Variants in ZNF569 observed in about 807,000 individuals in gnomAD.
ZNF569 encodes DNA-binding protein.
Under a neutral mutation model 56.3 loss-of-function variants are expected in ZNF569, and 38 were observed. The observed-to-expected ratio is 0.68, with a 90% confidence interval of 0.52 to 0.88. The LOEUF is 0.88. Among genes scored for constraint, ZNF569 ranks in the 40% least tolerant of loss-of-function variants. The probability of loss-of-function intolerance (pLI) is 0.00; values close to 1 mark genes in which losing one functional copy is unlikely to be tolerated. For synonymous variants in ZNF569, 241 were observed against 262.9 expected, an observed-to-expected ratio of 0.92 and a Z score of 0.81; for missense variants, 666 against 809.2, an observed-to-expected ratio of 0.82 and a Z score of 2.15.
intron 3 of ZNF569, among the ~76,000 whole-genome samples, chr19:37,433,374 G>A (rs2041256588): frequency 6.6e-6 from 1 of 152,126 alleles, no homozygotes; most frequent in East Asian, 1.9e-4. Context: ...CTTCAAATGG[G>A]CAAATCTAAC....
intron 5 of ZNF569, among the ~76,000 whole-genome samples, chr19:37,418,280 A>G (rs1033320471): frequency 6.6e-6 from 1 of 152,096 alleles, no homozygotes; most frequent in African/African-American, 2.4e-5. Flanking sequence ...AAAACTGGAG[A>G]GGCCCACCTA....
At chr19:37,416,456 T>A (rs932685008) in intron 5 of ZNF569, among the ~76,000 whole-genome samples, 1 of 152,174 alleles carries the variant, frequency 6.6e-6, no homozygotes, top group Admixed American at 6.5e-5. Context: ...TATTGGGGAC[T>A]GGTTCCAGGA....
rs142793476 is a variant in ZNF569 at position 37,433,770 on chromosome 19, C to T, written c.16-7392G>A. ...ATATCTGGTGAAAATAACCTTCAAA[C>T]ATGAAGGAGAAATAAAGGCTTTCCC... On this transcript the variant is annotated intron_variant, in intron 3 of 5. Coordinates refer to ENST00000316950, the MANE Select transcript of ZNF569 (RefSeq NM_152484.3). Among the ~76,000 whole-genome samples, 7 of 152,186 alleles carry T rather than the reference C, an allele frequency of 4.6e-5. No homozygotes were observed. In the East Asian group the frequency reaches 5.8e-4, roughly 13 times the overall value.
intron 3 of ZNF569, among the ~76,000 whole-genome samples, chr19:37,437,005 C>A (rs1160209705): frequency 2.2e-5 from 3 of 133,470 alleles, no homozygotes; most frequent in African/African-American, 2.9e-5. Flanking sequence ...AAAACCAGAC[C>A]AAGACACATC....
chr19:37,448,863 T>C (rs1401380896), intron 2 of ZNF569, among the ~76,000 whole-genome samples: 1 of 152,072 alleles, frequency 6.6e-6, no homozygotes, highest in Non-Finnish European at 1.5e-5. Flanking sequence ...ATCTTTAATA[T>C]CCGTTTCCTT....
chr19:37,430,270 T>C (rs1210247847), intron 3 of ZNF569, among the ~76,000 whole-genome samples: 1 of 149,852 alleles, frequency 6.7e-6, no homozygotes, highest in East Asian at 1.9e-4. Context: ...ATAATTTAAG[T>C]ATAAGTTAGA....
rs1461102531 is a variant in ZNF569 at position 37,411,652 on chromosome 19, T to C, written c.*945A>G. 2 of 152,208 alleles carry C rather than the reference T, an allele frequency of 1.3e-5. No individual in the cohort carries two copies. Among genetic ancestry groups the C allele is most frequent in the African/African-American group, 4.8e-5 (2 of 41,464 alleles). The allele number at this position is 152,208 out of a possible 1,614,324, so 9.4% of individuals were successfully genotyped here. ...ACGGATTCTACTTTCATCATAGTTTTAAAATTTTGCTTTTTATATTCTGGT... is the reference window on the plus strand; with the variant it reads ...ACGGATTCTACTTTCATCATAGTTTCAAAATTTTGCTTTTTATATTCTGGT... On this transcript the variant is annotated 3_prime_UTR_variant, in exon 6 of 6. Transcript: ENST00000316950.
At chr19:37,419,584 C>T (rs2040994755) in intron 5 of ZNF569, among the ~76,000 whole-genome samples, 1 of 151,816 alleles carries the variant, frequency 6.6e-6, no homozygotes, top group Non-Finnish European at 1.5e-5. Context: ...ATTAGCCGGG[C>T]GTGGTGGCAG....
intron 5 of ZNF569, 31 bp from the exon 6 acceptor site, chr19:37,414,450 C>A (rs1600285939): frequency 1.3e-6 from 2 of 1,522,950 alleles, no homozygotes; most frequent in Non-Finnish European, 1.8e-6. Flanking sequence ...ATATCACTTA[C>A]AAATTTTTTT....
At chr19:37,439,366 C>T (rs111911260) in intron 3 of ZNF569, among the ~76,000 whole-genome samples, 9 of 152,256 alleles carry the variant, frequency 5.9e-5, no homozygotes, top group African/African-American at 9.6e-5. Context: ...TCACCATGCC[C>T]GGCCTTAGAA....
intron 3 of ZNF569, among the ~76,000 whole-genome samples, chr19:37,438,932 AG>A (rs1250092771): frequency 6.6e-6 from 1 of 152,164 alleles, no homozygotes; most frequent in East Asian, 1.9e-4. Flanking sequence ...TGATTTAAAA[AG>A]GGGGAAAGAT....
At chr19:37,462,913 C>A (rs1455126537) in intron 2 of ZNF569, among the ~76,000 whole-genome samples, 1 of 152,064 alleles carries the variant, frequency 6.6e-6, no homozygotes, top group East Asian at 1.9e-4. Flanking sequence ...ACTTGTATAT[C>A]CAACTGCCAA....
chr19:37,462,882 GTC>G (rs1204226961), intron 2 of ZNF569, among the ~76,000 whole-genome samples: 1 of 151,756 alleles, frequency 6.6e-6, no homozygotes, highest in Non-Finnish European at 1.5e-5. Flanking sequence ...TCTCCCTTTT[GTC>G]TCTCTTTTTG....
intron 2 of ZNF569, among the ~76,000 whole-genome samples, chr19:37,452,722 C>G (rs1305993279): frequency 6.6e-6 from 1 of 152,058 alleles, no homozygotes; most frequent in Non-Finnish European, 1.5e-5. Flanking sequence ...TGACAAGTTG[C>G]TTTTCTCTTG....
chr19:37,435,425 C>T (rs1568731001), intron 3 of ZNF569, among the ~76,000 whole-genome samples: 2 of 152,054 alleles, frequency 1.3e-5, no homozygotes, highest in Non-Finnish European at 2.9e-5. Flanking sequence ...AAGAAGACCA[C>T]AAAACAACCT....
At chr19:37,426,056 G>C (rs989441498) in intron 4 of ZNF569, 93 bp from the exon 5 acceptor site, 48 of 1,435,188 alleles carry the variant, frequency 3.3e-5, no homozygotes, top group Non-Finnish European at 4.3e-5. Flanking sequence ...CCAGGCTAAA[G>C]GACAAGAAAA....
chr19:37,463,793 G>T (rs972603254), intron 2 of ZNF569, among the ~76,000 whole-genome samples: 11 of 152,256 alleles, frequency 7.2e-5, no homozygotes, highest in African/African-American at 2.6e-4. Flanking sequence ...CAGTGATATT[G>T]ATGATTCTGA....
chr19:37,440,216 A>G (rs2146929308), intron 3 of ZNF569, among the ~76,000 whole-genome samples: 1 of 152,310 alleles, frequency 6.6e-6, no homozygotes, highest in East Asian at 1.9e-4. Flanking sequence ...AAAAATTAAA[A>G]AAACTAACAA....
chr19:37,468,781 C>T (rs2041897163), upstream of ZNF569, among the ~76,000 whole-genome samples: 1 of 152,212 alleles, frequency 6.6e-6, no homozygotes, highest in African/African-American at 2.4e-5. Context: ...GCTGGGATTA[C>T]AGGCGTGAGC....
Sources: allele counts gnomAD v4.1 joint callset (sites outside exome capture counted in the v4.1 genomes callset), GRCh38; gene constraint gnomAD v4.1.1; transcripts MANE v1.5; gene names NCBI Gene and HGNC (gene_info 2026-07-23, HGNC 2026-07-21).